The following DNER variants were observed in gnomAD, a reference collection of about 807,000 sequenced individuals.
DNER encodes the protein delta/notch like EGF repeat containing.
A neutral mutation model predicts 78.2 loss-of-function variants in DNER; 33 were observed. The observed-to-expected ratio is 0.42, with a 90% CI of 0.32 to 0.56. The LOEUF (loss-of-function observed/expected upper bound fraction) is 0.56, where lower values mean the gene tolerates loss of function less well. Among genes scored for constraint, DNER ranks in the 20% least tolerant of loss-of-function variants. The pLI, the probability that DNER is intolerant of heterozygous loss-of-function variation, is 0.11. For synonymous variants in DNER, 417 were observed against 384.8 expected (o/e 1.08, Z -0.98); for missense variants, 918 against 975.3 (o/e 0.94, Z 0.78).
intron 1 of DNER, among the ~76,000 whole-genome samples, chr2:229,667,227 G>A (rs1017621809): frequency 3.3e-5 from 5 of 152,152 alleles, no homozygotes; most frequent in Non-Finnish European, 4.4e-5. Flanking sequence ...GCAGCGAGAG[G>A]GGCCCACCAG....
chr2:229,367,067 C>T lies in DNER; in HGVS notation c.1908G>A (p.Arg636=), dbSNP rs538564713. Residue 636 remains arginine (R), a synonymous_variant, in exon 12 of 13, where the codon CGG becomes CGA. Transcript: ENST00000341772. Reference sequence around the variant, plus strand: ...CTCCAATGATGATGTAGAGGGAGTGCCGTGGCATGTTGGTGAGGCTCTCCG... The same window carrying T: ...CTCCAATGATGATGTAGAGGGAGTGTCGTGGCATGTTGGTGAGGCTCTCCG... ...HMAESLTNMP[R]HSLYIIIGAL... is the part of the protein sequence containing the mutation. 4 of 1,614,050 alleles carry T rather than the reference C, an allele frequency of 2.5e-6. No homozygotes were observed. The African/African-American group carries it at 5.3e-5, about 22-fold the overall frequency.
At chr2:229,623,928 T>C (rs145697617) in intron 1 of DNER, among the ~76,000 whole-genome samples, 1 of 152,330 alleles carries the variant, frequency 6.6e-6, no homozygotes, top group African/African-American at 2.4e-5. Context: ...TCCCATATTA[T>C]CCATGAACTG....
At position 229,699,884 on chromosome 2, in the gene DNER, A is replaced by G. The variant is rs565405535; in HGVS notation, c.276+14264T>C. 2.0e-5 allele frequency among the ~76,000 whole-genome samples: 3 copies of G among 152,300 alleles called. No individual in the cohort carries two copies. In the South Asian group the frequency reaches 6.2e-4, roughly 32 times the overall value. ...AAGAACCAAGAATTATAAGCTTCTAAAGAGCAAAACAATGAGCATAAGCGA... is the reference window on the plus strand; with the variant it reads ...AAGAACCAAGAATTATAAGCTTCTAGAGAGCAAAACAATGAGCATAAGCGA... On this transcript the variant is annotated intron_variant, in intron 1 of 12. Coordinates refer to ENST00000341772, the MANE Select transcript of DNER (RefSeq NM_139072.4).
At chr2:229,599,267 G>A (rs967174224) in intron 1 of DNER, among the ~76,000 whole-genome samples, 13 of 152,196 alleles carry the variant, frequency 8.5e-5, no homozygotes, top group Admixed American at 3.9e-4. Context: ...GGACCATTAC[G>A]TTAGTAATTT....
intron 11 of DNER, among the ~76,000 whole-genome samples, chr2:229,375,823 C>T (rs1019978530): frequency 1.3e-5 from 2 of 152,166 alleles, no homozygotes; most frequent in African/African-American, 4.8e-5. Context: ...TACAGTTAGG[C>T]TTTGTGTCCC....
intron 9 of DNER, 84 bp from the exon 10 acceptor site, chr2:229,407,429 G>C: frequency 8.3e-7 from 1 of 1,204,106 alleles, no homozygotes; most frequent in Non-Finnish European, 1.2e-6. Flanking sequence ...GGAACTCTCT[G>C]GAACAATGCG....
intron 10 of DNER, among the ~76,000 whole-genome samples, chr2:229,397,463 C>CAAAAAAAAAAAAAAAAAAAAAAA (rs763572496): frequency 1.1e-4 from 11 of 96,562 alleles, no homozygotes; most frequent in South Asian, 3.9e-4. Context: ...CCAAACACTA[C>CAAAAAAAAAAAAAAAAAAAAAAA]AAAAAAAAAA....
chr2:229,634,849 T>C (rs1698501326), intron 1 of DNER, among the ~76,000 whole-genome samples: 1 of 152,158 alleles, frequency 6.6e-6, no homozygotes, highest in African/African-American at 2.4e-5. Context: ...TGTCCCCTTC[T>C]GGCACCTGAA....
In DNER at chr2:229,427,281, C is replaced by G. The variant is rs548596807; in HGVS notation, c.1487-9051G>C. Among the ~76,000 whole-genome samples, 66 of 152,340 alleles carry G rather than the reference C, an allele frequency of 4.3e-4. No homozygotes were observed. The Middle Eastern group carries it at 0.014, about 31-fold the overall frequency. On this transcript the variant is annotated intron_variant, in intron 8 of 12. Coordinates refer to ENST00000341772, the MANE Select transcript of DNER (RefSeq NM_139072.4). The stretch of plus-strand genomic sequence containing the variant: ...CATGAGTTTATATTCTCCCTCAGTG[C>G]AGAGGCTCTCTGGCTTTAATAGCCA...
intron 1 of DNER, among the ~76,000 whole-genome samples, chr2:229,596,138 G>T (rs372689101): frequency 1.1e-4 from 16 of 152,156 alleles, no homozygotes; most frequent in Admixed American, 6.5e-4. Context: ...CCCTAGAACA[G>T]TGCCCAGCAC....
chr2:229,683,658 G>T (rs753354032), intron 1 of DNER, among the ~76,000 whole-genome samples: 47 of 152,284 alleles, frequency 3.1e-4, no homozygotes, highest in Admixed American at 8.5e-4. Context: ...TGGTGATGAT[G>T]ATGATGGTGA....
chr2:229,488,765 G>A (rs1695332763), intron 6 of DNER, among the ~76,000 whole-genome samples: 1 of 152,240 alleles, frequency 6.6e-6, no homozygotes, highest in African/African-American at 2.4e-5. Flanking sequence ...TGGCTTTCCT[G>A]TGATCTTTGC....
At chr2:229,571,697 T>C (rs1697220384) in intron 4 of DNER, among the ~76,000 whole-genome samples, 1 of 152,050 alleles carries the variant, frequency 6.6e-6, no homozygotes, top group South Asian at 2.1e-4. Context: ...GAAAAGAACC[T>C]TTCTTTCTAA....
At chr2:229,537,394 G>A (rs2154212972) in intron 5 of DNER, among the ~76,000 whole-genome samples, 1 of 152,272 alleles carries the variant, frequency 6.6e-6, no homozygotes, top group Middle Eastern at 3.4e-3. Context: ...AGGCAGTGTT[G>A]CTCAGCAGTA....
At chr2:229,396,418 CTATT>C (rs1231823176) in intron 10 of DNER, among the ~76,000 whole-genome samples, 2 of 152,012 alleles carry the variant, frequency 1.3e-5, no homozygotes, top group East Asian at 1.9e-4. Context: ...AGTTTAGAGG[CTATT>C]TAAAGTTTGT....
At chr2:229,540,560 G>A (rs1255812166) in intron 5 of DNER, among the ~76,000 whole-genome samples, 1 of 152,180 alleles carries the variant, frequency 6.6e-6, no homozygotes, top group East Asian at 1.9e-4. Flanking sequence ...AAGGACAGTG[G>A]GTATTATCAA....
chr2:229,660,757 A>C (rs546029254), intron 1 of DNER, among the ~76,000 whole-genome samples: 4 of 152,172 alleles, frequency 2.6e-5, no homozygotes, highest in Non-Finnish European at 5.9e-5. Context: ...TGATCAGTCT[A>C]TCTCTTAGTT....
At chr2:229,497,995 G>T (rs200139673) in intron 6 of DNER, among the ~76,000 whole-genome samples, 10 of 68,482 alleles carry the variant, frequency 1.5e-4, no homozygotes, top group Middle Eastern at 7.5e-3. Flanking sequence ...GAAAACTACA[G>T]GTCCCTGATG....
chr2:229,580,981 G>C (rs1284718845), intron 4 of DNER, among the ~76,000 whole-genome samples: 1 of 152,158 alleles, frequency 6.6e-6, no homozygotes, highest in African/African-American at 2.4e-5. Flanking sequence ...ACAGAATGGG[G>C]GTGGGAGAGG....
Sources: allele counts gnomAD v4.1 joint callset (sites outside exome capture counted in the v4.1 genomes callset), GRCh38; gene constraint gnomAD v4.1.1; transcripts MANE v1.5; gene names NCBI Gene and HGNC (gene_info 2026-07-23, HGNC 2026-07-21).